Variants in CTNNA3 observed in about 807,000 individuals in gnomAD.
CTNNA3 encodes the protein catenin alpha 3, also known as catenin alpha-3.
A neutral mutation model predicts 95.7 loss-of-function variants in CTNNA3; 76 were observed. That is an observed-to-expected ratio of 0.79 (90% confidence interval 0.66 to 0.96). The LOEUF is 0.96. Ranked by LOEUF, CTNNA3 falls within the 40% of genes least tolerant of loss-of-function variation. CTNNA3 has a pLI of 0.00. For synonymous variants in CTNNA3, 431 were observed against 374.4 expected (o/e 1.15, Z -1.74); for missense variants, 1,191 against 1,089.8 (o/e 1.09, Z -1.31).
intron 15 of CTNNA3, among the ~76,000 whole-genome samples, chr10:66,050,252 C>T (rs1225885455): frequency 6.6e-6 from 1 of 152,008 alleles, no homozygotes; most frequent in Non-Finnish European, 1.5e-5. Flanking sequence ...TTTTCACATG[C>T]TCATTTTTTT....
At chr10:67,396,397 T>C (rs1265415373) in intron 5 of CTNNA3, among the ~76,000 whole-genome samples, 1 of 152,166 alleles carries the variant, frequency 6.6e-6, no homozygotes, top group Non-Finnish European at 1.5e-5. Flanking sequence ...AATTATCATA[T>C]TGGTAAAATT....
intron 12 of CTNNA3, among the ~76,000 whole-genome samples, chr10:66,350,039 T>C (rs1285208660): frequency 6.6e-6 from 1 of 152,108 alleles, no homozygotes; most frequent in Admixed American, 6.6e-5. Context: ...ACGTAACACA[T>C]TGGTGATATA....
chr10:66,194,410 T>C (rs560988047), intron 13 of CTNNA3, among the ~76,000 whole-genome samples: 5 of 152,054 alleles, frequency 3.3e-5, no homozygotes, highest in East Asian at 1.9e-4. Context: ...CAAAAGCCCG[T>C]CTCTACTAAA....
At chr10:66,429,584 A>T (rs2093276258) in intron 11 of CTNNA3, among the ~76,000 whole-genome samples, 1 of 152,238 alleles carries the variant, frequency 6.6e-6, no homozygotes, top group Non-Finnish European at 1.5e-5. Flanking sequence ...CCTGGGATGC[A>T]AGGCTGGTTC....
intron 5 of CTNNA3, among the ~76,000 whole-genome samples, chr10:67,345,773 T>C (rs1005290630): frequency 1.3e-4 from 20 of 152,248 alleles, no homozygotes; most frequent in African/African-American, 4.8e-4. Flanking sequence ...TATTTTTTTA[T>C]CCATTCAGCC....
chr10:66,038,999 T>C (rs950514786), intron 15 of CTNNA3, among the ~76,000 whole-genome samples: 4 of 152,156 alleles, frequency 2.6e-5, no homozygotes, highest in African/African-American at 9.7e-5. Context: ...GAAAATCCCA[T>C]AGTCTCAACC....
At chr10:67,271,944 C>T (rs995799966) in intron 5 of CTNNA3, among the ~76,000 whole-genome samples, 1 of 152,154 alleles carries the variant, frequency 6.6e-6, no homozygotes, top group Non-Finnish European at 1.5e-5. Context: ...GCACAGCAGA[C>T]ATTCTTACAT....
chr10:67,173,706 A>G (rs568155865), intron 7 of CTNNA3, among the ~76,000 whole-genome samples: 1 of 152,306 alleles, frequency 6.6e-6, no homozygotes, highest in African/African-American at 2.4e-5. Context: ...GATTCTTACT[A>G]TATTCCTGTC....
intron 6 of CTNNA3, among the ~76,000 whole-genome samples, chr10:67,213,431 CTTTG>C (rs1300145977): frequency 1.3e-5 from 2 of 151,554 alleles, no homozygotes; most frequent in African/African-American, 4.8e-5. Context: ...TCTACTGTAT[CTTTG>C]TTTGTGATTT....
At chr10:67,642,329 C>G (rs1016635296) in intron 2 of CTNNA3, among the ~76,000 whole-genome samples, 1 of 151,156 alleles carries the variant, frequency 6.6e-6, no homozygotes, top group African/African-American at 2.4e-5. Flanking sequence ...GGAACTTAAA[C>G]AAATTTACAA....
At chr10:66,257,057 G>A (rs1876334) in intron 13 of CTNNA3, among the ~76,000 whole-genome samples, 26,569 of 152,100 alleles carry the variant, frequency 0.17, 2,567 homozygotes, top group Admixed American at 0.26. Flanking sequence ...TAACAAGGGA[G>A]TCCTGCAGAA....
In CTNNA3 at chr10:67,282,230, A is replaced by G. The variant is rs541252365; in HGVS notation, c.580-62360T>C. On this transcript the variant is annotated intron_variant, in intron 5 of 17. Coordinates refer to ENST00000433211, the MANE Select transcript of CTNNA3 (RefSeq NM_013266.4). The stretch of plus-strand genomic sequence containing the variant: ...TTATTTTAAAATTTTATAACTCTAT[A>G]TTGAATCCCTACTATATGTCAGACA... Among the ~76,000 whole-genome samples the G allele has an allele frequency of 1.1e-4, 17 of 152,316 alleles. No homozygotes were observed. The East Asian group carries it at 3.3e-3, about 29-fold the overall frequency.
chr10:66,889,147 A>G (rs1282668599), intron 7 of CTNNA3, among the ~76,000 whole-genome samples: 1 of 152,234 alleles, frequency 6.6e-6, no homozygotes, highest in Non-Finnish European at 1.5e-5. Flanking sequence ...GATTCCAACT[A>G]TAACGTTCTT....
At chr10:67,204,272 G>C (rs1863787182) in intron 6 of CTNNA3, among the ~76,000 whole-genome samples, 1 of 152,092 alleles carries the variant, frequency 6.6e-6, no homozygotes, top group Admixed American at 6.5e-5. Flanking sequence ...TTAGATCATG[G>C]AGGCAGAGTT....
intron 13 of CTNNA3, among the ~76,000 whole-genome samples, chr10:66,146,182 C>A (rs1379590087): frequency 1.3e-5 from 2 of 152,070 alleles, no homozygotes; most frequent in Admixed American, 6.6e-5. Flanking sequence ...CAGCTTTATA[C>A]TATGAGGTGA....
chr10:66,154,469 T>C (rs2084372160), intron 13 of CTNNA3, among the ~76,000 whole-genome samples: 1 of 151,448 alleles, frequency 6.6e-6, no homozygotes, highest in African/African-American at 2.4e-5. Flanking sequence ...CAAAGGATGT[T>C]TGTTTTAGTG....
At chr10:67,237,120 GTGTATGTATATATATA>G (rs1303344182) in intron 5 of CTNNA3, among the ~76,000 whole-genome samples, 14 of 15,660 alleles carry the variant, frequency 8.9e-4, no homozygotes, top group Admixed American at 2.2e-3. Context: ...AGAAACTATG[GTGTATGTATATATATA>G]TATATATATA....
chr10:67,507,420 C>T (rs1044584049), intron 5 of CTNNA3, among the ~76,000 whole-genome samples: 1 of 151,780 alleles, frequency 6.6e-6, no homozygotes, highest in Non-Finnish European at 1.5e-5. Flanking sequence ...CCCAGCTACT[C>T]AGGAGGCTGA....
At chr10:67,292,640 G>C (rs568475302) in intron 5 of CTNNA3, among the ~76,000 whole-genome samples, 2 of 152,194 alleles carry the variant, frequency 1.3e-5, no homozygotes, top group Non-Finnish European at 2.9e-5. Context: ...TACTCTAAGG[G>C]ATAGAACAAT....
Sources: gnomAD v4.1 joint callset for allele counts (sites outside exome capture counted in the v4.1 genomes callset) on GRCh38, gnomAD v4.1.1 for gene constraint, MANE v1.5 for transcripts, NCBI Gene and HGNC (gene_info 2026-07-23, HGNC 2026-07-21) for gene names.